The following KDM5B variants were observed in gnomAD, a reference collection of about 807,000 sequenced individuals.
KDM5B encodes lysine-specific demethylase 5B.
In KDM5B, 144 loss-of-function variants were observed where a neutral mutation model predicts 193.4. That is an observed-to-expected ratio of 0.74 (90% CI 0.65 to 0.86). The LOEUF (loss-of-function observed/expected upper bound fraction) is 0.86. KDM5B is among the 40% of genes least tolerant of loss of function. KDM5B has a pLI of 0.00. For synonymous variants in KDM5B, 668 were observed against 682.6 expected (o/e 0.98, Z 0.33); for missense variants, 1,833 against 1,886.9 (o/e 0.97, Z 0.53).
chr1:202,734,932 C>T (rs10920467), intron 22 of KDM5B, among the ~76,000 whole-genome samples: 102,384 of 152,032 alleles, frequency 0.67, 37,089 homozygotes, highest in Admixed American at 0.82. Context: ...TTTTTTATCC[C>T]GATAAGGTGC....
rs765562834 is a variant in KDM5B, at chr1:202,750,737, T to C, written c.1743A>G (p.Thr581=). The C allele has an allele frequency of 3.1e-6, 5 of 1,614,048 alleles. No homozygotes were observed. In the Admixed American group the frequency reaches 5.0e-5, roughly 16 times the overall value. ...AACCACTGTGGTAGGCTCTTGGAAA[T>C]GTAATCACAAACTCCCCAGCACACT... ...TNQCAGEFVI[T]FPRAYHSGFN... is the part of the protein sequence containing the mutation. The change falls in exon 13 of 27, where the codon ACA becomes ACG. Residue 581 remains threonine, a synonymous_variant. Transcript: ENST00000367265.
intron 1 of KDM5B, among the ~76,000 whole-genome samples, chr1:202,792,407 C>T (rs1337755367): frequency 6.6e-6 from 1 of 152,036 alleles, no homozygotes; most frequent in Non-Finnish European, 1.5e-5. Flanking sequence ...CTGGGATGAA[C>T]CCCAGAATGA....
intron 20 of KDM5B, among the ~76,000 whole-genome samples, chr1:202,737,463 G>A (rs186954417): frequency 9.2e-5 from 14 of 152,286 alleles, no homozygotes; most frequent in Non-Finnish European, 1.3e-4. Flanking sequence ...AAAGCATTAA[G>A]GTTATGGAGG....
At position 202,752,939 on chromosome 1, in the gene KDM5B, A is replaced by G; in HGVS notation, c.1667T>C (p.Met556Thr). The G allele has an allele frequency of 1.2e-6, 2 of 1,614,214 alleles. No homozygotes were observed. The highest frequency in any genetic ancestry group is 2.2e-5 in the South Asian group (2 of 91,086). ...ATGAGTCATCAGGGTATTGGGGTTC[A>G]TGATGGTCACAAGCTGATGGAGGAG... is the stretch of plus-strand genomic sequence containing the variant. ...PDLLHQLVTI[M>T]NPNTLMTHEV... Residue 556 changes from methionine to threonine, a missense_variant, in exon 12 of 27, where the codon ATG (methionine) becomes ACG (threonine). Met to Thr is a moderately conservative substitution (Grantham distance 81). Around this residue, in one of 3 missense-constraint regions of KDM5B, gnomAD observed 1,379 missense variants for 1,349.6 expected, o/e 1.02. Coordinates refer to ENST00000367265, the MANE Select transcript of KDM5B (RefSeq NM_006618.5).
intron 13 of KDM5B, among the ~76,000 whole-genome samples, chr1:202,750,357 C>T (rs1453806890): frequency 3.3e-5 from 5 of 152,120 alleles, no homozygotes; most frequent in Admixed American, 1.3e-4. Flanking sequence ...TGGCTCACTG[C>T]GACCTCCACC....
In KDM5B at chr1:202,733,842, C is replaced by T. The variant is rs1355380578; in HGVS notation, c.3468G>A (p.Leu1156=). 6.2e-7 allele frequency: 1 copy of T among 1,613,558 alleles called. No homozygotes were observed. Among genetic ancestry groups the T allele is most frequent in the Non-Finnish European group, 8.5e-7 (1 of 1,179,816 alleles). Residue 1156 remains leucine (L), a synonymous_variant, in exon 23 of 27, where the codon TTG becomes TTA. Coordinates refer to ENST00000367265, the MANE Select transcript of KDM5B (RefSeq NM_006618.5). ...CTTCATTGGCGAGTCTGAGAGACTG[C>T]AAGGCTTCCATTTCCCTTAGGCGAG... The part of the protein sequence containing the change: ...GEARLREMEA[L]QSLRLANEGK...
rs76762681 is a variant in KDM5B, at chr1:202,801,472, T to C, written c.204+6630A>G. Reference sequence around the variant, plus strand: ...ACATCCTACAATTATGGAACTGAAATGCCTCACTGTCCTAGAGACATCTTT... The same window carrying C: ...ACATCCTACAATTATGGAACTGAAACGCCTCACTGTCCTAGAGACATCTTT... On this transcript the variant is annotated intron_variant, in intron 1 of 26. Coordinates refer to ENST00000367265, the MANE Select transcript of KDM5B (RefSeq NM_006618.5). Among the ~76,000 whole-genome samples the C allele has an allele frequency of 7.8e-3, 1,183 of 152,352 alleles. 19 individuals are homozygous for C. Among genetic ancestry groups the C allele is most frequent in the African/African-American group, 0.027 (1,119 of 41,574 alleles).
chr1:202,807,819 G>T (rs577871165), intron 1 of KDM5B, among the ~76,000 whole-genome samples: 3 of 151,464 alleles, frequency 2.0e-5, no homozygotes, highest in African/African-American at 7.3e-5. Context: ...ATCCGGAACC[G>T]AACCCGAACC....
rs367962397 is a variant in KDM5B at position 202,745,912 on chromosome 1, C to T, written c.2269G>A (p.Glu757Lys). 6.8e-6 allele frequency: 11 copies of T among 1,613,846 alleles called. No homozygotes were observed. The highest frequency in any genetic ancestry group is 1.6e-4 in the Middle Eastern group (1 of 6,082). Residue 757 changes from glutamate (E) to lysine (K), a missense_variant, in exon 16 of 27, where the codon GAA becomes AAA. Glu to Lys is a moderately conservative substitution (Grantham distance 56). Around this residue, in one of 3 missense-constraint regions of KDM5B, gnomAD observed 1,379 missense variants for 1,349.6 expected, o/e 1.02. Coordinates refer to ENST00000367265, the MANE Select transcript of KDM5B (RefSeq NM_006618.5). ...GCTTCATTCACATTCAAGGCCCATT[C>T]GTTGTAAGATTCTGCTCGAAGCTTC... ...ALKLRAESYN[E>K]WALNVNEALE...
At position 202,727,333 on chromosome 1, in the gene KDM5B, T is replaced by C. The variant is rs1313493901; in HGVS notation, c.*1703A>G. ...GTACTCTGGAGACTATTCTTCTCTA[T>C]TGGCCCCAGAACCACCATCAGACGA... is the stretch of plus-strand genomic sequence containing the variant. On this transcript the variant is annotated 3_prime_UTR_variant, in exon 27 of 27. Coordinates refer to ENST00000367265, the MANE Select transcript of KDM5B (RefSeq NM_006618.5). 1.3e-5 allele frequency: 2 copies of C among 152,322 alleles called. No homozygotes were observed. Among genetic ancestry groups the C allele is most frequent in the Non-Finnish European group, 2.9e-5 (2 of 68,040 alleles). 9.4% of individuals were successfully genotyped at this position (152,322 alleles called of 1,614,324 possible). A position where few individuals can be genotyped will look rare whatever the true frequency, so the allele number is the denominator to read the frequency against.
chr1:202,755,247 T>C, intron 11 of KDM5B, 24 bp downstream of exon 11: 1 of 1,599,770 alleles, frequency 6.3e-7, no homozygotes, highest in Non-Finnish European at 8.6e-7. Context: ...ATACTACTCA[T>C]GGGTTCTTTT....
At chr1:202,779,749 G>A (rs990446609) in intron 1 of KDM5B, among the ~76,000 whole-genome samples, 1 of 151,426 alleles carries the variant, frequency 6.6e-6, no homozygotes, top group Non-Finnish European at 1.5e-5. Flanking sequence ...GTCGCAGTGA[G>A]CCAAGATCAT....
intron 12 of KDM5B, among the ~76,000 whole-genome samples, chr1:202,751,221 T>TCA (rs1241454359): frequency 1.3e-5 from 2 of 152,092 alleles, no homozygotes; most frequent in Non-Finnish European, 2.9e-5. Flanking sequence ...ACCACCACCC[T>TCA]CACCCCAAAA....
chr1:202,753,051 A>C lies in KDM5B; in HGVS notation c.1555T>G (p.Trp519Gly). The C allele has an allele frequency of 6.2e-7, 1 of 1,613,166 alleles. No individual in the cohort carries two copies. Among genetic ancestry groups the C allele is most frequent in the Non-Finnish European group, 8.5e-7 (1 of 1,179,760 alleles). ...GCAGCATACCCTGGGACTCCATACCAGGTTTTTGGCTCACCCCTGGAAATA... is the reference window on the plus strand; with the variant it reads ...GCAGCATACCCTGGGACTCCATACCCGGTTTTTGGCTCACCCCTGGAAATA... The part of the protein sequence containing the change: ...NYLHWGEPKT[W>G]YGVPGYAAEQ... The change falls in exon 12 of 27, where the codon TGG (tryptophan) becomes GGG (glycine). Residue 519 changes from tryptophan to glycine, a missense_variant. Trp to Gly is a radical substitution (Grantham distance 184, BLOSUM62 -2). Transcript: ENST00000367265.
At chr1:202,793,209 C>T (rs1334195212) in intron 1 of KDM5B, among the ~76,000 whole-genome samples, 1 of 152,172 alleles carries the variant, frequency 6.6e-6, no homozygotes, top group African/African-American at 2.4e-5. Flanking sequence ...GTTTCCTTTT[C>T]TATAAAATGG....
intron 1 of KDM5B, among the ~76,000 whole-genome samples, chr1:202,802,445 T>G (rs1658114735): frequency 2.6e-5 from 4 of 152,204 alleles, no homozygotes; most frequent in Non-Finnish European, 4.4e-5. Flanking sequence ...CAGGCTAGAG[T>G]GCAATGGAGT....
chr1:202,780,046 A>T (rs1572760313), intron 1 of KDM5B, among the ~76,000 whole-genome samples: 1 of 152,116 alleles, frequency 6.6e-6, no homozygotes, highest in African/African-American at 2.4e-5. Context: ...CAACAGCCAA[A>T]AGGGAAAAAT....
In KDM5B at chr1:202,745,862, C is replaced by A. The variant is rs1655531710; in HGVS notation, c.2319G>T (p.Lys773Asn). The A allele has an allele frequency of 2.5e-6, 4 of 1,613,838 alleles. No individual in the cohort carries two copies. The highest frequency in any genetic ancestry group is 3.3e-5 in the Admixed American group (2 of 60,008). ...GTCACTTTCTGTATCACATACTTTT[C>A]TTCTTGTTGATCTTTGCCTCCAAAG... Reference protein sequence around the residue: ...NEALEAKINKKKSLVSFKALI... With the variant: ...NEALEAKINKNKSLVSFKALI... Residue 773 changes from lysine to asparagine, a missense_variant, in exon 16 of 27, where the codon AAG becomes AAT. By Grantham distance (94) the Lys-to-Asn change is moderately conservative. Transcript: ENST00000367265.
At chr1:202,785,450 A>C (rs773681765) in intron 1 of KDM5B, among the ~76,000 whole-genome samples, 5 of 149,892 alleles carry the variant, frequency 3.3e-5, no homozygotes, top group Middle Eastern at 3.4e-3. Context: ...ACAGATTCTC[A>C]AGTCACACTG....
Sources: gnomAD v4.1 joint callset for allele counts (sites outside exome capture counted in the v4.1 genomes callset) on GRCh38, gnomAD v4.1.1 for gene constraint, gnomAD v4.1.1 regional missense constraint, MANE v1.5 for transcripts, NCBI Gene and HGNC (gene_info 2026-07-23, HGNC 2026-07-21) for gene names.